Variants in TNKS observed in about 807,000 individuals in gnomAD.
TNKS encodes the protein tankyrase.
In TNKS, 72 loss-of-function variants were observed where a neutral mutation model predicts 135.8. The ratio of observed to expected loss-of-function variants is 0.53; its 90% CI spans 0.44 to 0.64. The LOEUF (loss-of-function observed/expected upper bound fraction) is 0.64, where lower values mean the gene tolerates loss of function less well. TNKS is among the 30% of genes least tolerant of loss of function. The pLI is 0.00. For missense variants in TNKS, 1,769 were observed against 1,674.0 expected (o/e 1.06, Z -0.99); for synonymous variants, 849 against 649.3 (o/e 1.31, Z -4.68).
chr8:9,697,125 A>G (rs1484833311), intron 5 of TNKS, among the ~76,000 whole-genome samples: 3 of 152,156 alleles, frequency 2.0e-5, no homozygotes, highest in Non-Finnish European at 4.4e-5. Context: ...GGAATGGAAT[A>G]GGAAGCTCAG....
intron 1 of TNKS, among the ~76,000 whole-genome samples, chr8:9,568,962 T>G (rs1319101048): frequency 1.3e-5 from 2 of 152,332 alleles, no homozygotes; most frequent in East Asian, 3.9e-4. Context: ...TTTTGAGCAT[T>G]TAGAAAATAT....
chr8:9,566,254 T>C (rs1490904615), intron 1 of TNKS: 2 of 152,206 alleles, frequency 1.3e-5, no homozygotes, highest in African/African-American at 4.8e-5. Flanking sequence ...TTTTTCTTCT[T>C]TGCAGGAAAA....
intron 11 of TNKS, among the ~76,000 whole-genome samples, chr8:9,718,208 GA>G (rs953814494): frequency 1.6e-4 from 24 of 151,858 alleles, no homozygotes; most frequent in African/African-American, 5.8e-4. Context: ...TGTGGTTTGA[GA>G]AAAAAAATGC....
At chr8:9,596,137 G>T (rs372568270) in intron 2 of TNKS, among the ~76,000 whole-genome samples, 2 of 152,000 alleles carry the variant, frequency 1.3e-5, no homozygotes, top group African/African-American at 4.8e-5. Flanking sequence ...ACATACATAC[G>T]TACATACACA....
chr8:9,768,019 T>C (rs554707814), intron 25 of TNKS, among the ~76,000 whole-genome samples: 5 of 151,598 alleles, frequency 3.3e-5, no homozygotes, highest in African/African-American at 1.2e-4. Flanking sequence ...TGTAAAAGTA[T>C]TTTTGGGTTT....
At chr8:9,598,811 ATATATATG>A (rs1798907454) in intron 2 of TNKS, among the ~76,000 whole-genome samples, 3 of 104,290 alleles carry the variant, frequency 2.9e-5, no homozygotes, top group Admixed American at 1.0e-4. Context: ...ATATATATAT[ATATATATG>A]AATGAATTGG....
intron 5 of TNKS, among the ~76,000 whole-genome samples, chr8:9,687,187 G>C (rs1417867217): frequency 1.3e-5 from 2 of 152,084 alleles, no homozygotes; most frequent in Non-Finnish European, 2.9e-5. Context: ...TAGATAAAAG[G>C]TCATACCAGT....
Position 9,672,554 on chromosome 8 carries a change from A to G in TNKS, c.995-7397A>G, listed in dbSNP as rs557756528. On this transcript the variant is annotated intron_variant, in intron 3 of 26. Transcript: ENST00000310430. ...GCTGTAGAAAAAGGACCTGTGATAT[A>G]GAACAAAATGTAAAAACTATTGCCA... is the stretch of plus-strand genomic sequence containing the variant. 4.6e-5 allele frequency among the ~76,000 whole-genome samples: 7 copies of G among 151,984 alleles called. 1 individual carries two copies. The highest frequency in any genetic ancestry group is 1.7e-4 in the African/African-American group (7 of 41,440).
intron 25 of TNKS, among the ~76,000 whole-genome samples, chr8:9,768,521 C>G (rs1006847927): frequency 6.6e-6 from 1 of 152,228 alleles, no homozygotes; most frequent in Non-Finnish European, 1.5e-5. Context: ...GAATGCACCA[C>G]AATGCACCAG....
At chr8:9,564,689 G>A (rs2129049989) in intron 1 of TNKS, among the ~76,000 whole-genome samples, 1 of 152,244 alleles carries the variant, frequency 6.6e-6, no homozygotes. Context: ...TTTGGCTTAT[G>A]TTTATTCTTC....
chr8:9,590,963 C>G (rs762141265), intron 2 of TNKS, among the ~76,000 whole-genome samples: 50 of 152,136 alleles, frequency 3.3e-4, no homozygotes, highest in Non-Finnish European at 5.9e-4. Flanking sequence ...GCTTTGGTAT[C>G]TTATCTGAGA....
At chr8:9,703,429 C>T (rs148299370) in intron 5 of TNKS, among the ~76,000 whole-genome samples, 1 of 152,270 alleles carries the variant, frequency 6.6e-6, no homozygotes, top group African/African-American at 2.4e-5. Context: ...GATTTTATCT[C>T]CATTTTATAC....
At position 9,615,638 on chromosome 8, in the gene TNKS, C is replaced by T. The variant is rs768692981; in HGVS notation, c.955C>T (p.Leu319=). 6.2e-7 allele frequency: 1 copy of T among 1,613,556 alleles called. No homozygotes were observed. The highest frequency in any genetic ancestry group is 1.7e-5 in the Admixed American group (1 of 59,964). The part of the protein sequence containing the change: ...NIRNTDGKSA[L]DLADPSAKAV... ...TCGGAACACTGATGGGAAATCAGCC[C>T]TGGACCTGGCAGATCCTTCAGCAAA... Residue 319 remains leucine, a synonymous_variant, in exon 3 of 27, where the codon CTG becomes TTG. Transcript: ENST00000310430.
chr8:9,720,490 A>G lies in TNKS; in HGVS notation c.1866A>G (p.Leu622=), dbSNP rs747162631. ...SYGSDPSIIS[L]QGFTAAQMGN... is the part of the protein sequence containing the mutation. The stretch of plus-strand genomic sequence containing the variant: ...GCTCTGACCCCTCCATCATCTCCTT[A>G]CAAGGCTTCACAGCAGCACAGATGG... The change falls in exon 12 of 27, where the codon TTA becomes TTG. Residue 622 remains leucine, a synonymous_variant. Transcript: ENST00000310430. The G allele has an allele frequency of 1.9e-6, 3 of 1,614,008 alleles. No homozygotes were observed. The highest frequency in any genetic ancestry group is 1.3e-5 in the African/African-American group (1 of 74,926).
Position 9,673,507 on chromosome 8 carries a change from C to T in TNKS, c.995-6444C>T, listed in dbSNP as rs183573946. Among the ~76,000 whole-genome samples the T allele has an allele frequency of 3.1e-4, 43 of 138,350 alleles. No homozygotes were observed. The East Asian group carries it at 8.7e-3, about 28-fold the overall frequency. The allele number at this position is 138,350 out of a possible 152,430, so 90.8% of individuals were successfully genotyped here. ...TTGCCCAGGCTGGAGTGCAGTGGTG[C>T]GATCTCAGCTCACTGCAACCTCTGC... is the stretch of plus-strand genomic sequence containing the variant. On this transcript the variant is annotated intron_variant, in intron 3 of 26. Transcript: ENST00000310430.
At chr8:9,572,881 A>C (rs2129051815) in intron 1 of TNKS, among the ~76,000 whole-genome samples, 1 of 152,278 alleles carries the variant, frequency 6.6e-6, no homozygotes, top group Non-Finnish European at 1.5e-5. Flanking sequence ...CTTTTTTTTA[A>C]ACTCATAGGT....
chr8:9,608,196 C>G (rs1231208710), intron 2 of TNKS, among the ~76,000 whole-genome samples: 1 of 152,200 alleles, frequency 6.6e-6, no homozygotes, highest in Admixed American at 6.5e-5. Context: ...CCACCTCAGC[C>G]TCCCAAAGTG....
intron 4 of TNKS, among the ~76,000 whole-genome samples, chr8:9,680,245 G>A (rs1417960587): frequency 6.6e-6 from 1 of 152,028 alleles, no homozygotes; most frequent in Non-Finnish European, 1.5e-5. Context: ...CTTTTCCAGC[G>A]ATATTCTTGG....
intron 2 of TNKS, among the ~76,000 whole-genome samples, chr8:9,611,723 T>A (rs756254629): frequency 6.6e-6 from 1 of 152,158 alleles, no homozygotes; most frequent in Non-Finnish European, 1.5e-5. Flanking sequence ...CCCACATAAA[T>A]CCCCATAGAG....
Sources: allele counts gnomAD v4.1 joint callset (sites outside exome capture counted in the v4.1 genomes callset), GRCh38; gene constraint gnomAD v4.1.1; transcripts MANE v1.5; gene names NCBI Gene and HGNC (gene_info 2026-07-23, HGNC 2026-07-21).